BRAF: variants seen among roughly 807,000 people sequenced by gnomAD.
The protein encoded by BRAF is B-Raf proto-oncogene, serine/threonine kinase.
In BRAF, 16 loss-of-function variants were observed where a neutral mutation model predicts 104.6. The observed-to-expected ratio is 0.15, with a 90% confidence interval of 0.10 to 0.23. The LOEUF (loss-of-function observed/expected upper bound fraction) is 0.23, where lower values mean the gene tolerates loss of function less well. BRAF is among the 10% of genes least tolerant of loss of function. The pLI is 1.00. For missense variants in BRAF, 541 were observed against 937.3 expected (o/e 0.58, Z 5.52); for synonymous variants, 310 against 341.6 (o/e 0.91, Z 1.02).
At chr7:140,892,472 C>T (rs1586567423) in intron 1 of BRAF, among the ~76,000 whole-genome samples, 2 of 152,294 alleles carry the variant, frequency 1.3e-5, no homozygotes, top group African/African-American at 4.8e-5. Context: ...ACAGTATCCC[C>T]CCTCATTTGA....
At chr7:140,913,477 T>TTG (rs1817235475) in intron 1 of BRAF, among the ~76,000 whole-genome samples, 1 of 127,152 alleles carries the variant, frequency 7.9e-6, no homozygotes, top group Non-Finnish European at 1.7e-5. Context: ...AGCTTTTTTT[T>TTG]TTTTTTTTTT....
chr7:140,768,189 G>A (rs558545568), intron 14 of BRAF, among the ~76,000 whole-genome samples: 46 of 152,232 alleles, frequency 3.0e-4, no homozygotes, highest in African/African-American at 1.1e-3. Context: ...TGGATTACTG[G>A]TGCTTTTTAT....
At position 140,852,339 on chromosome 7, in the gene BRAF, G is replaced by A. The variant is rs566197435; in HGVS notation, c.139-2127C>T. Among the ~76,000 whole-genome samples, 18 of 150,666 alleles carry A rather than the reference G, an allele frequency of 1.2e-4. No homozygotes were observed. In the South Asian group the frequency reaches 1.5e-3, roughly 12 times the overall value. ...AGCCATGAGTGCACCACTACACTCC[G>A]GCCTGGGCAACATAGTGAGACTCAG... is the stretch of plus-strand genomic sequence containing the variant. On this transcript the variant is annotated intron_variant, in intron 1 of 19. Transcript: ENST00000644969.
intron 9 of BRAF, among the ~76,000 whole-genome samples, chr7:140,787,071 G>A (rs919753998): frequency 2.0e-5 from 3 of 151,976 alleles, no homozygotes; most frequent in Non-Finnish European, 2.9e-5. Flanking sequence ...GGAGGCCGAG[G>A]CGGGCGGATC....
At chr7:140,787,491 C>A in intron 9 of BRAF, 57 bp downstream of exon 9, 1 of 1,508,186 alleles carries the variant, frequency 6.6e-7, no homozygotes, top group Non-Finnish European at 9.2e-7. Context: ...AGGAAATAAG[C>A]AGCAAAGCAA....
intron 14 of BRAF, among the ~76,000 whole-genome samples, chr7:140,760,422 A>AG (rs982579231): frequency 2.1e-4 from 14 of 65,774 alleles, no homozygotes; most frequent in Admixed American, 6.9e-4. Context: ...TGAGAGAGAG[A>AG]AAAAAAAAAA....
At chr7:140,906,087 C>CAAAAA (rs61150735) in intron 1 of BRAF, among the ~76,000 whole-genome samples, 19 of 44,678 alleles carry the variant, frequency 4.3e-4, no homozygotes, top group African/African-American at 1.3e-3. Context: ...GACTCCGTCT[C>CAAAAA]AAAAAAAAAA....
At chr7:140,916,826 A>G (rs749075011) in intron 1 of BRAF, among the ~76,000 whole-genome samples, 7 of 152,230 alleles carry the variant, frequency 4.6e-5, no homozygotes, top group Non-Finnish European at 8.8e-5. Context: ...TTCCAAAAGT[A>G]TGGTAACAAG....
intron 3 of BRAF, chr7:140,834,227 C>T (rs918937736): frequency 1.3e-5 from 4 of 306,852 alleles, no homozygotes; most frequent in Non-Finnish European, 2.4e-5. Context: ...TCACACTGAA[C>T]GTTCAACATC....
chr7:140,796,078 C>G (rs1425134517), intron 7 of BRAF, among the ~76,000 whole-genome samples: 1 of 152,160 alleles, frequency 6.6e-6, no homozygotes, highest in African/African-American at 2.4e-5. Flanking sequence ...AGGCCAGGTG[C>G]AGTGGCTCAT....
intron 3 of BRAF, among the ~76,000 whole-genome samples, chr7:140,833,346 A>T (rs1282174939): frequency 6.6e-6 from 1 of 152,212 alleles, no homozygotes; most frequent in Admixed American, 6.5e-5. Flanking sequence ...ACTGAAGAAC[A>T]CATTTCCTAC....
chr7:140,842,111 C>T (rs1456719064), intron 2 of BRAF, among the ~76,000 whole-genome samples: 1 of 152,124 alleles, frequency 6.6e-6, no homozygotes, highest in Non-Finnish European at 1.5e-5. Context: ...GGGTTTGACA[C>T]AATGCCTCTG....
intron 14 of BRAF, among the ~76,000 whole-genome samples, chr7:140,762,603 GTTT>G (rs774057622): frequency 5.2e-5 from 5 of 96,204 alleles, no homozygotes; most frequent in African/African-American, 1.4e-4. Context: ...TCCAGGAGCT[GTTT>G]TTTTTTTTTT....
chr7:140,718,666 G>T (rs1302277360), downstream of BRAF, among the ~76,000 whole-genome samples: 1 of 152,244 alleles, frequency 6.6e-6, no homozygotes, highest in East Asian at 1.9e-4. Flanking sequence ...TTACAGGCGT[G>T]AGCCACTGCA....
intron 3 of BRAF, among the ~76,000 whole-genome samples, chr7:140,830,384 C>T (rs796797132): frequency 3.9e-5 from 6 of 152,300 alleles, no homozygotes; most frequent in African/African-American, 1.4e-4. Context: ...TGGTCTTCAA[C>T]CCTTTGGCCT....
intron 16 of BRAF, among the ~76,000 whole-genome samples, chr7:140,752,563 C>A (rs10232557): frequency 6.6e-6 from 1 of 152,028 alleles, no homozygotes; most frequent in Non-Finnish European, 1.5e-5. Context: ...GCAATGCACA[C>A]AAGTTTTTGT....
intron 1 of BRAF, among the ~76,000 whole-genome samples, chr7:140,907,966 A>C (rs1816521189): frequency 6.6e-6 from 1 of 151,358 alleles, no homozygotes; most frequent in Non-Finnish European, 1.5e-5. Context: ...GCTGGTCTTG[A>C]ACTCCTGACC....
chr7:140,774,348 A>G (rs1204765927), intron 14 of BRAF, among the ~76,000 whole-genome samples: 1 of 152,246 alleles, frequency 6.6e-6, no homozygotes, highest in African/African-American at 2.4e-5. Context: ...TTACACTGAT[A>G]ATCCCAAACT....
Position 140,725,573 on chromosome 7 carries a change from G to T in BRAF, c.*921C>A. The T allele has an allele frequency of 9.5e-6, 10 of 1,055,328 alleles. No individual in the cohort carries two copies. Among genetic ancestry groups the T allele is most frequent in the African/African-American group, 1.7e-5 (1 of 60,582 alleles). The allele number at this position is 1,055,328 out of a possible 1,614,324, so 65.4% of individuals were successfully genotyped here. On this transcript the variant is annotated 3_prime_UTR_variant, in exon 20 of 20. Coordinates refer to ENST00000644969, the MANE Select transcript of BRAF (RefSeq NM_001374258.1). ...ACTGTTATTAAGCAGTTTTGTGGGG[G>T]TTTAGTTAGATACTGCCACGGCATT...
Sources: allele counts gnomAD v4.1 joint callset (sites outside exome capture counted in the v4.1 genomes callset), GRCh38; gene constraint gnomAD v4.1.1; transcripts MANE v1.5; gene names NCBI Gene and HGNC (gene_info 2026-07-23, HGNC 2026-07-21).